The following FIGNL2 variants were observed in gnomAD, a reference collection of about 807,000 sequenced individuals.
The protein encoded by FIGNL2 is fidgetin like 2, also known as fidgetin-like protein 2.
For missense variants in FIGNL2, 1,060 were observed against 950.2 expected (o/e 1.12, Z -1.52); for synonymous variants, 565 against 484.0 (o/e 1.17, Z -2.20).
intron 1 of FIGNL2, 117 bp downstream of exon 1, chr12:51,848,423 T>G: frequency 1.0e-6 from 1 of 980,104 alleles, no homozygotes; most frequent in Non-Finnish European, 1.2e-6. Context: ...ACCCCGCGAC[T>G]AGCAGCCCCC....
At chr12:51,834,232 G>C (rs913249169) in intron 1 of FIGNL2, among the ~76,000 whole-genome samples, 1 of 152,064 alleles carries the variant, frequency 6.6e-6, no homozygotes, top group Non-Finnish European at 1.5e-5. Flanking sequence ...GGTGAGGGTG[G>C]CAAGGGGTGA....
chr12:51,845,223 G>A (rs1161649026), intron 1 of FIGNL2, among the ~76,000 whole-genome samples: 3 of 152,176 alleles, frequency 2.0e-5, no homozygotes, highest in African/African-American at 4.8e-5. Context: ...GGGTTTAAAC[G>A]TGAAGTACAC....
chr12:51,837,458 G>C (rs1425665781), intron 1 of FIGNL2, among the ~76,000 whole-genome samples: 2 of 152,204 alleles, frequency 1.3e-5, no homozygotes, highest in Non-Finnish European at 2.9e-5. Flanking sequence ...CCTTGGGATG[G>C]GCTGGGGGGC....
intron 1 of FIGNL2, among the ~76,000 whole-genome samples, chr12:51,825,441 C>T (rs942341531): frequency 3.9e-5 from 6 of 152,116 alleles, no homozygotes; most frequent in South Asian, 2.1e-4. Flanking sequence ...CACCCGCCAA[C>T]GAAGATCCTC....
intron 1 of FIGNL2, among the ~76,000 whole-genome samples, chr12:51,840,834 C>G (rs1276369446): frequency 6.6e-6 from 1 of 152,206 alleles, no homozygotes; most frequent in Non-Finnish European, 1.5e-5. Flanking sequence ...CTTGGAGGGC[C>G]CCACACTTCC....
rs755213758 is a variant in FIGNL2 at position 51,821,499 on chromosome 12, C to G, written c.915G>C (p.Arg305=). Residue 305 remains arginine, a synonymous_variant, in exon 2 of 2, where the codon CGG becomes CGC. Transcript: ENST00000618634. ...GCGGCTTGGCCCGGAACCCGTTGCC[C>G]CGACATTCGCCGTTGTCCGCGGCGG... ...SYPAADNGEC[R]GNGFRAKPPG... The G allele has an allele frequency of 1.3e-5, 21 of 1,559,824 alleles. 1 individual carries two copies. The South Asian group carries it at 1.6e-4, about 12-fold the overall frequency.
intron 1 of FIGNL2, among the ~76,000 whole-genome samples, chr12:51,841,028 G>A (rs1939651914): frequency 6.6e-6 from 1 of 152,238 alleles, no homozygotes; most frequent in Non-Finnish European, 1.5e-5. Flanking sequence ...CTTACCAAAG[G>A]CGAGGAAACA....
At position 51,820,715 on chromosome 12, in the gene FIGNL2, G is replaced by C; in HGVS notation, c.1699C>G (p.Leu567Val). The change falls in exon 2 of 2, where the codon CTG (leucine) becomes GTG (valine). Residue 567 changes from leucine to valine, a missense_variant. Leu to Val is a conservative substitution (Grantham distance 32, BLOSUM62 1). Coordinates refer to ENST00000618634, the MANE Select transcript of FIGNL2 (RefSeq NM_001384995.1). The stretch of plus-strand genomic sequence containing the variant: ...CCCTGCTGGGCCAGCGCCCGCTGCA[G>C]GATCTGCCCGCGGGCCGGGCTGTCG... ...LPDSPARGQI[L>V]QRALAQQGCA... is the part of the protein sequence containing the mutation. 6.8e-7 allele frequency: 1 copy of C among 1,480,382 alleles called. No individual in the cohort carries two copies. Among genetic ancestry groups the C allele is most frequent in the Non-Finnish European group, 8.9e-7 (1 of 1,125,368 alleles). 91.7% of individuals were successfully genotyped at this position (1,480,382 alleles called of 1,614,324 possible).
At chr12:51,830,691 C>G (rs575857744) in intron 1 of FIGNL2, among the ~76,000 whole-genome samples, 12 of 151,930 alleles carry the variant, frequency 7.9e-5, no homozygotes, top group East Asian at 1.9e-4. Context: ...TGGGGTTTCA[C>G]CATGTTGGCC....
chr12:51,830,639 C>G (rs759446959), intron 1 of FIGNL2, among the ~76,000 whole-genome samples: 2 of 151,270 alleles, frequency 1.3e-5, no homozygotes, highest in Non-Finnish European at 2.9e-5. Flanking sequence ...TTACAGGCGC[C>G]CACCACTACA....
chr12:51,836,277 G>C (rs1311206628), intron 1 of FIGNL2, among the ~76,000 whole-genome samples: 1 of 152,166 alleles, frequency 6.6e-6, no homozygotes, highest in Non-Finnish European at 1.5e-5. Context: ...AGGAGGAGAG[G>C]AAGGTAGGAC....
intron 1 of FIGNL2, among the ~76,000 whole-genome samples, chr12:51,822,849 C>T (rs533266578): frequency 3.3e-5 from 5 of 152,320 alleles, no homozygotes; most frequent in South Asian, 2.1e-4. Context: ...TGTTTGTCAC[C>T]TACCGTGTGC....
chr12:51,830,895 C>T (rs1939448916), intron 1 of FIGNL2, among the ~76,000 whole-genome samples: 1 of 152,198 alleles, frequency 6.6e-6, no homozygotes, highest in Admixed American at 6.5e-5. Context: ...GATCCCCCCA[C>T]CTCAGCCTCC....
Position 51,820,983 on chromosome 12 carries a change from G to A in FIGNL2, c.1431C>T (p.Phe477=). The A allele has an allele frequency of 3.3e-6, 4 of 1,213,346 alleles. No homozygotes were observed. The Admixed American group carries it at 1.3e-4, about 40-fold the overall frequency. 75.2% of individuals were successfully genotyped at this position (1,213,346 alleles called of 1,614,324 possible). ...AGGGTGGGCGGCAGCGCGCGGCCGC[G>A]AAGGCGGCCTGGAGGAGGCGCGCGC... The part of the protein sequence containing the change: ...AEGARLLQAA[F]AAARCRPPSV... Residue 477 remains phenylalanine (F), a synonymous_variant, in exon 2 of 2, where the codon TTC becomes TTT. Coordinates refer to ENST00000618634, the MANE Select transcript of FIGNL2 (RefSeq NM_001384995.1).
chr12:51,835,945 G>A (rs909256297), intron 1 of FIGNL2, among the ~76,000 whole-genome samples: 1 of 151,984 alleles, frequency 6.6e-6, no homozygotes, highest in Non-Finnish European at 1.5e-5. Context: ...TGAGTAGCTG[G>A]GATTACAGGC....
intron 1 of FIGNL2, among the ~76,000 whole-genome samples, chr12:51,837,678 C>T (rs1939601319): frequency 6.6e-6 from 1 of 152,204 alleles, no homozygotes; most frequent in Non-Finnish European, 1.5e-5. Context: ...CTGGGATGCT[C>T]AGGCCACCTT....
chr12:51,821,468 C>T lies in FIGNL2; in HGVS notation c.946G>A (p.Ala316Thr), dbSNP rs1939192041. Residue 316 changes from alanine to threonine, a missense_variant, in exon 2 of 2, where the codon GCC becomes ACC. Transcript: ENST00000618634. ...TACTTGCCCGACGCCTCCTCCGCGG[C>T]TCCTGGCGGCTTGGCCCGGAACCCG... Reference protein sequence around the residue: ...GNGFRAKPPGAAEEASGKYGG... With the variant: ...GNGFRAKPPGTAEEASGKYGG... The T allele has an allele frequency of 6.5e-7, 1 of 1,544,000 alleles. No homozygotes were observed. Among genetic ancestry groups the T allele is most frequent in the African/African-American group, 1.4e-5 (1 of 71,630 alleles).
chr12:51,834,028 G>GATGGATGGATGGATGA, intron 1 of FIGNL2, among the ~76,000 whole-genome samples: 3 of 150,574 alleles, frequency 2.0e-5, no homozygotes, highest in Non-Finnish European at 4.4e-5. Flanking sequence ...CGGATGGATG[G>GATGGATGGATGGATGA]ATGGATGGAT....
intron 1 of FIGNL2, 188 bp downstream of exon 1, chr12:51,848,352 G>A: frequency 4.1e-6 from 4 of 973,390 alleles, no homozygotes; most frequent in Non-Finnish European, 3.6e-6. Flanking sequence ...AGTGACCCTC[G>A]GCTCCCACGT....
Sources: gnomAD v4.1 joint callset for allele counts (sites outside exome capture counted in the v4.1 genomes callset) on GRCh38, gnomAD v4.1.1 for gene constraint, MANE v1.5 for transcripts, NCBI Gene and HGNC (gene_info 2026-07-23, HGNC 2026-07-21) for gene names.